WDR27: variants seen among roughly 807,000 people sequenced by gnomAD.
WDR27 encodes the protein WD repeat domain 27.
A neutral mutation model predicts 114.4 loss-of-function variants in WDR27; 100 were observed. The observed-to-expected ratio is 0.87, with a 90% CI of 0.74 to 1.03. WDR27 has a LOEUF of 1.03. WDR27 is among the 50% of genes least tolerant of loss of function. The probability of loss-of-function intolerance (pLI) is 0.00; values close to 1 mark genes in which losing one functional copy is unlikely to be tolerated. For missense variants in WDR27, 1,129 were observed against 1,092.9 expected (o/e 1.03, Z -0.47); for synonymous variants, 449 against 423.1 (o/e 1.06, Z -0.75).
intron 25 of WDR27, among the ~76,000 whole-genome samples, chr6:169,554,129 C>A (rs1253161886): frequency 2.0e-5 from 3 of 152,160 alleles, no homozygotes; most frequent in Non-Finnish European, 4.4e-5. Context: ...TGGAATAAGG[C>A]AACTCAAGAA....
intron 8 of WDR27, among the ~76,000 whole-genome samples, chr6:169,663,115 G>A (rs995779029): frequency 2.0e-5 from 3 of 152,210 alleles, no homozygotes; most frequent in East Asian, 1.9e-4. Context: ...CCAGCATGAC[G>A]CTACCTGGGA....
intron 25 of WDR27, among the ~76,000 whole-genome samples, chr6:169,508,147 A>G (rs1343865882): frequency 6.6e-6 from 1 of 152,244 alleles, no homozygotes; most frequent in East Asian, 1.9e-4. Context: ...AAGCATCTAT[A>G]TGACCAGACC....
At chr6:169,594,920 A>C (rs1437307619) in intron 23 of WDR27, among the ~76,000 whole-genome samples, 1 of 152,198 alleles carries the variant, frequency 6.6e-6, no homozygotes, top group African/African-American at 2.4e-5. Flanking sequence ...TCAGGCCTAT[A>C]ATCCCAGCAC....
intron 2 of WDR27, among the ~76,000 whole-genome samples, chr6:169,672,777 T>C (rs1189321781): frequency 6.6e-6 from 1 of 152,044 alleles, no homozygotes; most frequent in Non-Finnish European, 1.5e-5. Flanking sequence ...AAACAAGGCA[T>C]GGGTAAGAAA....
At chr6:169,607,585 T>C (rs1004247609) in intron 22 of WDR27, among the ~76,000 whole-genome samples, 1 of 152,118 alleles carries the variant, frequency 6.6e-6, no homozygotes, top group African/African-American at 2.4e-5. Context: ...TGTGTACACA[T>C]GGACATAGAG....
At chr6:169,667,952 C>CGG (rs778524247) in intron 5 of WDR27, 30 bp downstream of exon 5, 1 of 1,589,160 alleles carries the variant, frequency 6.3e-7, no homozygotes, top group East Asian at 2.3e-5. Flanking sequence ...ACGTGCCACG[C>CGG]GGGAACGCCA....
chr6:169,664,676 GA>G (rs1192683407), intron 7 of WDR27: 83 of 1,009,064 alleles, frequency 8.2e-5, no homozygotes, highest in East Asian at 1.8e-4. Context: ...TTGTCAAAAG[GA>G]AAAAAAAAAT....
intron 22 of WDR27, among the ~76,000 whole-genome samples, chr6:169,604,138 A>G (rs531864410): frequency 1.6e-4 from 25 of 152,346 alleles, no homozygotes; most frequent in African/African-American, 5.5e-4. Context: ...ATAGAGACCA[A>G]CAAAACAATT....
At chr6:169,547,412 T>C (rs1320597397) in intron 25 of WDR27, among the ~76,000 whole-genome samples, 6 of 152,122 alleles carry the variant, frequency 3.9e-5, no homozygotes, top group Non-Finnish European at 5.9e-5. Context: ...TGTAGACAGA[T>C]GCAAAAATCC....
chr6:169,588,411 A>T (rs1033314369), intron 23 of WDR27, among the ~76,000 whole-genome samples: 9 of 152,314 alleles, frequency 5.9e-5, no homozygotes, highest in African/African-American at 1.9e-4. Context: ...CATTCATGAC[A>T]TATGTTTTTA....
chr6:169,627,342 G>A (rs552208993), intron 21 of WDR27, among the ~76,000 whole-genome samples: 6 of 151,952 alleles, frequency 3.9e-5, no homozygotes, highest in South Asian at 2.1e-4. Flanking sequence ...GCCTTTTTAC[G>A]GCTTGAAGTG....
rs140438781 is a variant in WDR27, at chr6:169,492,231, AAGC to A, written c.2646-34600_2646-34598del. On this transcript the variant is annotated intron_variant, in intron 25 of 25. Transcript: ENST00000448612. Reference sequence around the variant, plus strand: ...TAGAAATAAGAATTTTGAAAAAAAAAAGCAGCAGATCATTGCTCGCCTAGACAA... The same window carrying A: ...TAGAAATAAGAATTTTGAAAAAAAAAAGCAGATCATTGCTCGCCTAGACAA... Among the ~76,000 whole-genome samples, 155 of 152,150 alleles carry A rather than the reference AAGC, an allele frequency of 1.0e-3. 1 individual carries two copies. In the East Asian group the frequency reaches 0.026, roughly 25 times the overall value.
chr6:169,529,320 G>GA (rs950091968), intron 25 of WDR27, among the ~76,000 whole-genome samples: 3 of 142,252 alleles, frequency 2.1e-5, no homozygotes, highest in Non-Finnish European at 3.1e-5. Context: ...TGCGGGGGGG[G>GA]GGGGCAGCTA....
intron 25 of WDR27, among the ~76,000 whole-genome samples, chr6:169,471,636 T>C (rs1786408182): frequency 6.6e-6 from 1 of 152,172 alleles, no homozygotes; most frequent in Admixed American, 6.5e-5. Context: ...CCTCTTAACT[T>C]ATTAGAGTAA....
At chr6:169,672,193 T>C (rs992442936) in intron 3 of WDR27, 62 bp downstream of exon 3, 1 of 1,563,422 alleles carries the variant, frequency 6.4e-7, no homozygotes, top group Admixed American at 1.8e-5. Context: ...GTACCAAGTA[T>C]ACTGAAGGAT....
intron 21 of WDR27, among the ~76,000 whole-genome samples, chr6:169,627,369 A>T (rs1313737458): frequency 6.6e-6 from 1 of 152,200 alleles, no homozygotes; most frequent in Non-Finnish European, 1.5e-5. Flanking sequence ...AAAATCTATG[A>T]TGATGCTTCC....
At chr6:169,642,667 G>A (rs1461166737) in intron 17 of WDR27, among the ~76,000 whole-genome samples, 1 of 152,118 alleles carries the variant, frequency 6.6e-6, no homozygotes, top group Non-Finnish European at 1.5e-5. Flanking sequence ...GCCCTTGGGG[G>A]CCTGCTAGAC....
rs78584596 is a variant in WDR27, at chr6:169,503,578, C to T, written c.2646-45944G>A. Among the ~76,000 whole-genome samples, 1,078 of 152,150 alleles carry T rather than the reference C, an allele frequency of 7.1e-3. 8 individuals carry two copies. The highest frequency in any genetic ancestry group is 0.014 in the Middle Eastern group (4 of 294). On this transcript the variant is annotated intron_variant, in intron 25 of 25. Transcript: ENST00000448612. ...TCATCTACTGGTTCATTAGATGCTC[C>T]TTTTTTTGGAAAGAAGATGAGAGAG...
intron 25 of WDR27, among the ~76,000 whole-genome samples, chr6:169,492,923 T>G (rs1375197110): frequency 6.6e-6 from 1 of 152,000 alleles, no homozygotes; most frequent in Non-Finnish European, 1.5e-5. Context: ...TCATTAAGTA[T>G]ATAAATTAAA....
Sources: allele counts gnomAD v4.1 joint callset (sites outside exome capture counted in the v4.1 genomes callset), GRCh38; gene constraint gnomAD v4.1.1; transcripts MANE v1.5; gene names NCBI Gene and HGNC (gene_info 2026-07-23, HGNC 2026-07-21).